SLC39A8: variants seen among roughly 807,000 people sequenced by gnomAD.
SLC39A8 encodes the protein metal cation symporter ZIP8.
SLC39A8 carries 15 observed loss-of-function variants against 40.4 expected under a neutral mutation model. The observed-to-expected ratio is 0.37, with a 90% CI of 0.25 to 0.57. The LOEUF is 0.57. Ranked by LOEUF, SLC39A8 falls within the 20% of genes least tolerant of loss-of-function variation. SLC39A8 has a pLI of 0.75. For missense variants in SLC39A8, 472 were observed against 558.8 expected (o/e 0.84, Z 1.57); for synonymous variants, 223 against 221.6 (o/e 1.01, Z -0.06).
At chr4:102,311,014 T>C (rs1578601768) in intron 3 of SLC39A8, among the ~76,000 whole-genome samples, 1 of 152,258 alleles carries the variant, frequency 6.6e-6, no homozygotes, top group East Asian at 1.9e-4. Context: ...AATATGGTTC[T>C]ATTATGATAC....
chr4:102,291,112 AT>A (rs545628470), intron 6 of SLC39A8, among the ~76,000 whole-genome samples: 6 of 147,398 alleles, frequency 4.1e-5, no homozygotes, highest in African/African-American at 7.5e-5. Flanking sequence ...CTTCTCCCTC[AT>A]TTTTTTTTCA....
At chr4:102,331,236 T>A (rs1211449264) in intron 2 of SLC39A8, among the ~76,000 whole-genome samples, 3 of 152,188 alleles carry the variant, frequency 2.0e-5, no homozygotes, top group Non-Finnish European at 4.4e-5. Flanking sequence ...AGTCAAATTG[T>A]CTCGTTTGCA....
intron 6 of SLC39A8, among the ~76,000 whole-genome samples, chr4:102,281,247 G>T (rs1732855035): frequency 6.6e-6 from 1 of 152,174 alleles, no homozygotes; most frequent in African/African-American, 2.4e-5. Flanking sequence ...GGAGAAATCA[G>T]TTGCTAGGAT....
At chr4:102,340,524 T>C (rs1442057675) in intron 2 of SLC39A8, among the ~76,000 whole-genome samples, 2 of 152,122 alleles carry the variant, frequency 1.3e-5, no homozygotes, top group African/African-American at 4.8e-5. Flanking sequence ...TCCATTAAGA[T>C]TGGAACTGTG....
At chr4:102,336,265 T>G (rs1735670474) in intron 2 of SLC39A8, among the ~76,000 whole-genome samples, 2 of 152,190 alleles carry the variant, frequency 1.3e-5, no homozygotes, top group South Asian at 4.1e-4. Flanking sequence ...TTTTTCTCAA[T>G]TTACGGATGT....
intron 3 of SLC39A8, among the ~76,000 whole-genome samples, chr4:102,311,222 T>C (rs1734411211): frequency 6.6e-6 from 1 of 152,090 alleles, no homozygotes; most frequent in Non-Finnish European, 1.5e-5. Context: ...ATATTTAAAA[T>C]GCAGATTAAA....
chr4:102,271,839 T>A (rs556388253), intron 6 of SLC39A8, among the ~76,000 whole-genome samples: 1 of 152,152 alleles, frequency 6.6e-6, no homozygotes, highest in Non-Finnish European at 1.5e-5. Flanking sequence ...TCAATACATA[T>A]AATTCATGGA....
downstream of SLC39A8, among the ~76,000 whole-genome samples, chr4:102,260,290 A>T (rs1430855361): frequency 1.3e-5 from 2 of 152,216 alleles, no homozygotes; most frequent in Non-Finnish European, 2.9e-5. Context: ...TTTCAGTAAG[A>T]GAATTCTGAT....
chr4:102,261,980 T>C lies in SLC39A8; in HGVS notation c.*1064A>G, dbSNP rs987650766. ...TTTATAAAAGGTAGAAAAATAACCA[T>C]GGTGTGCTAATTTTTTTCAAGGTAT... On this transcript the variant is annotated 3_prime_UTR_variant, in exon 9 of 9. Transcript: ENST00000356736. 7.1e-6 allele frequency: 7 copies of C among 985,770 alleles called. No individual in the cohort carries two copies. The highest frequency in any genetic ancestry group is 8.4e-6 in the Non-Finnish European group (7 of 829,892). 61.1% of individuals were successfully genotyped at this position (985,770 alleles called of 1,614,324 possible).
chr4:102,256,227 A>AAGC (rs1414972366), intron 11 of SLC39A8, among the ~76,000 whole-genome samples: 2 of 152,230 alleles, frequency 1.3e-5, no homozygotes, highest in African/African-American at 4.8e-5. Context: ...ATACAGTCAC[A>AAGC]AGCAGCAGTC....
chr4:102,316,169 G>A (rs1400380419), intron 2 of SLC39A8, among the ~76,000 whole-genome samples: 1 of 152,040 alleles, frequency 6.6e-6, no homozygotes, highest in Non-Finnish European at 1.5e-5. Flanking sequence ...ATTTTTTATT[G>A]TCAGTACCCC....
At chr4:102,265,065 A>G (rs56072709) in intron 8 of SLC39A8, among the ~76,000 whole-genome samples, 8,999 of 152,174 alleles carry the variant, frequency 0.059, 310 homozygotes, top group African/African-American at 0.092. Flanking sequence ...TCCTTCATCA[A>G]TCCTTTCTTT....
At chr4:102,333,776 T>C (rs1440335856) in intron 2 of SLC39A8, among the ~76,000 whole-genome samples, 1 of 152,106 alleles carries the variant, frequency 6.6e-6, no homozygotes, top group African/African-American at 2.4e-5. Context: ...ATCACAGCCA[T>C]ATGAGTCCTT....
At chr4:102,291,891 T>C (rs1313522139) in intron 6 of SLC39A8, among the ~76,000 whole-genome samples, 1 of 151,872 alleles carries the variant, frequency 6.6e-6, no homozygotes, top group Non-Finnish European at 1.5e-5. Context: ...AATCCTGTCA[T>C]TTCCTTCTTT....
downstream of SLC39A8, among the ~76,000 whole-genome samples, chr4:102,260,758 TACCAGATTGCA>T (rs1387552048): frequency 2.0e-5 from 3 of 152,258 alleles, no homozygotes; most frequent in African/African-American, 7.2e-5. Context: ...TTCTTAGCCT[TACCAGATTGCA>T]ACAGATGATT....
At chr4:102,315,413 C>G (rs1272663599) in intron 3 of SLC39A8, among the ~76,000 whole-genome samples, 2 of 152,040 alleles carry the variant, frequency 1.3e-5, no homozygotes, top group Non-Finnish European at 2.9e-5. Flanking sequence ...TGTTTAAAAT[C>G]AAGAACTGGA....
downstream of SLC39A8, among the ~76,000 whole-genome samples, chr4:102,256,794 AC>A (rs1488400986): frequency 1.3e-5 from 2 of 152,218 alleles, no homozygotes; most frequent in East Asian, 3.8e-4. Flanking sequence ...CACAGGGGAA[AC>A]AAAGAACTGC....
At chr4:102,279,170 C>T (rs1732766040) in intron 6 of SLC39A8, among the ~76,000 whole-genome samples, 1 of 151,804 alleles carries the variant, frequency 6.6e-6, no homozygotes, top group South Asian at 2.1e-4. Context: ...GAATTCTTGC[C>T]TCCTGTCCCC....
At chr4:102,264,167 A>C (rs988440181) in intron 8 of SLC39A8, among the ~76,000 whole-genome samples, 1 of 152,216 alleles carries the variant, frequency 6.6e-6, no homozygotes, top group Non-Finnish European at 1.5e-5. Context: ...CACTATCTAC[A>C]GCAACTAGAG....
Sources: allele counts gnomAD v4.1 joint callset (sites outside exome capture counted in the v4.1 genomes callset), GRCh38; gene constraint gnomAD v4.1.1; transcripts MANE v1.5; gene names NCBI Gene and HGNC (gene_info 2026-07-23, HGNC 2026-07-21).